NAXD: variants seen among roughly 807,000 people sequenced by gnomAD.
The protein encoded by NAXD is NAD(P)HX dehydratase, also known as ATP-dependent (S)-NAD(P)H-hydrate dehydratase.
NAXD carries 22 observed loss-of-function variants against 35.8 expected under a neutral mutation model. The observed-to-expected ratio is 0.62, with a 90% CI of 0.44 to 0.88. The LOEUF is 0.88. Among genes scored for constraint, NAXD ranks in the 40% least tolerant of loss-of-function variants. The pLI is 0.00. For synonymous variants in NAXD, 189 were observed against 177.6 expected (o/e 1.06, Z -0.51); for missense variants, 428 against 437.7 (o/e 0.98, Z 0.20).
chr13:110,637,823 A>G (rs575235140), intron 9 of NAXD: 12 of 466,822 alleles, frequency 2.6e-5, no homozygotes, highest in African/African-American at 1.6e-4. Flanking sequence ...CAGGGCTGTC[A>G]TCCAGTGGCC....
Position 110,638,574 on chromosome 13 carries a change from CGT to C in NAXD, c.*54_*55del, listed in dbSNP as rs757949523. The C allele has an allele frequency of 2.5e-6, 4 of 1,605,602 alleles. No individual in the cohort carries two copies. Among genetic ancestry groups the C allele is most frequent in the East Asian group, 4.5e-5 (2 of 44,858 alleles). On this transcript the variant is annotated 3_prime_UTR_variant, in exon 10 of 10. Transcript: ENST00000680254. The surrounding 1 kb of genome is among the most constrained non-coding windows in gnomAD (Gnocchi z 5.4). ...AACAGGCACCTTGGACGGGGGAGAG[CGT>C]GTGTGTGATGGGAAAATCCGGACCC...
At chr13:110,625,351 C>T in intron 4 of NAXD, 73 bp downstream of exon 4, 6 of 960,672 alleles carry the variant, frequency 6.2e-6, no homozygotes, top group Non-Finnish European at 1.0e-5. Flanking sequence ...GGCACTGACA[C>T]CGAAAGCGTC....
intron 5 of NAXD, among the ~76,000 whole-genome samples, chr13:110,634,225 C>T (rs566787966): frequency 5.3e-5 from 8 of 152,268 alleles, no homozygotes; most frequent in Admixed American, 2.0e-4. Flanking sequence ...GTGTCTTAGT[C>T]GGTTTTGCGC....
intron 1 of NAXD, among the ~76,000 whole-genome samples, chr13:110,616,749 A>G (rs1281407334): frequency 6.6e-6 from 1 of 152,230 alleles, no homozygotes; most frequent in African/African-American, 2.4e-5. Context: ...ACCTTGGTAT[A>G]GAAGATAAAT....
At chr13:110,627,778 G>GGT (rs1385048548) in intron 5 of NAXD, among the ~76,000 whole-genome samples, 1 of 152,178 alleles carries the variant, frequency 6.6e-6, no homozygotes, top group Non-Finnish European at 1.5e-5. Context: ...AGCTGCAGGA[G>GGT]GTGTGTGTGT....
chr13:110,634,239 T>C (rs1461957717), intron 5 of NAXD, among the ~76,000 whole-genome samples: 2 of 152,250 alleles, frequency 1.3e-5, no homozygotes, highest in Non-Finnish European at 2.9e-5. Flanking sequence ...TTTGCGCTGC[T>C]GTAGCCGTAC....
At chr13:110,627,573 C>A in intron 5 of NAXD, 26 bp downstream of exon 5, 2 of 1,500,596 alleles carry the variant, frequency 1.3e-6, no homozygotes, top group Non-Finnish European at 1.9e-6. Flanking sequence ...ACTCACTTCC[C>A]TCATGACAGG....
rs1887067430 is a variant in NAXD, at chr13:110,639,125, T to C, written c.*597T>C. 1 of 195,280 alleles carries C rather than the reference T, an allele frequency of 5.1e-6. No individual in the cohort carries two copies. Among genetic ancestry groups the C allele is most frequent in the African/African-American group, 2.3e-5 (1 of 42,816 alleles). The allele number at this position is 195,280 out of a possible 1,614,324, so 12.1% of individuals were successfully genotyped here. Reference sequence around the variant, plus strand: ...ACTCCAGGGTAATCAATGATGACTTTGTTTGGAAACCCTTTTGGAGGCACC... The same window carrying C: ...ACTCCAGGGTAATCAATGATGACTTCGTTTGGAAACCCTTTTGGAGGCACC... On this transcript the variant is annotated 3_prime_UTR_variant, in exon 10 of 10. Coordinates refer to ENST00000680254, the MANE Select transcript of NAXD (RefSeq NM_001242882.2).
chr13:110,625,635 A>C (rs1886444195), intron 4 of NAXD, among the ~76,000 whole-genome samples: 1 of 152,222 alleles, frequency 6.6e-6, no homozygotes, highest in African/African-American at 2.4e-5. Flanking sequence ...GTCTGGTGCC[A>C]GGCCCTAGCC....
chr13:110,638,571 G>A lies in NAXD; in HGVS notation c.*43G>A. 1 of 1,607,548 alleles carries A rather than the reference G, an allele frequency of 6.2e-7. No homozygotes were observed. Among genetic ancestry groups the A allele is most frequent in the Non-Finnish European group, 8.5e-7 (1 of 1,176,808 alleles). On this transcript the variant is annotated 3_prime_UTR_variant, in exon 10 of 10. Transcript: ENST00000680254. This position sits in a 1 kb window ranked among gnomAD's most constrained non-coding sequence, Gnocchi z 5.4. ...GTAAACAGGCACCTTGGACGGGGGA[G>A]AGCGTGTGTGTGATGGGAAAATCCG... is the stretch of plus-strand genomic sequence containing the variant.
In NAXD at chr13:110,628,284, G is replaced by C. The variant is rs542677289; in HGVS notation, c.441+737G>C. Among the ~76,000 whole-genome samples, 2 of 152,254 alleles carry C rather than the reference G, an allele frequency of 1.3e-5. No homozygotes were observed. Among genetic ancestry groups the C allele is most frequent in the South Asian group, 4.1e-4 (2 of 4,820 alleles). ...CTCTGAGACCCTTTCTCAAGTTCCG[G>C]GGGACCCCTGTTAGAGCTCCTGGGG... On this transcript the variant is annotated intron_variant, in intron 5 of 9. Coordinates refer to ENST00000680254, the MANE Select transcript of NAXD (RefSeq NM_001242882.2). The surrounding 1 kb of genome is among the most constrained non-coding windows in gnomAD (Gnocchi z 4.1).
At position 110,638,215 on chromosome 13, in the gene NAXD, G is replaced by T. The variant is rs750685217; in HGVS notation, c.840-163G>T. On this transcript the variant is annotated intron_variant, in intron 9 of 9. Coordinates refer to ENST00000680254, the MANE Select transcript of NAXD (RefSeq NM_001242882.2). The surrounding 1 kb of genome is among the most constrained non-coding windows in gnomAD (Gnocchi z 5.4). ...TAGTGGAGGGTTAATGGTGGTTTTCGCTGTGATAAACCTGCTTTCTCCTCA... is the reference window on the plus strand; with the variant it reads ...TAGTGGAGGGTTAATGGTGGTTTTCTCTGTGATAAACCTGCTTTCTCCTCA... 1.3e-6 allele frequency: 2 copies of T among 1,531,478 alleles called. No individual in the cohort carries two copies. The highest frequency in any genetic ancestry group is 2.8e-5 in the African/African-American group (2 of 72,146). 94.9% of individuals were successfully genotyped at this position (1,531,478 alleles called of 1,614,324 possible). A position where few individuals can be genotyped will look rare whatever the true frequency, so the allele number is the denominator to read the frequency against.
chr13:110,616,843 T>C (rs976022467), intron 1 of NAXD, among the ~76,000 whole-genome samples: 1 of 152,164 alleles, frequency 6.6e-6, no homozygotes, highest in Non-Finnish European at 1.5e-5. Context: ...GTTGCTGTAG[T>C]CATTAGATAG....
intron 1 of NAXD, among the ~76,000 whole-genome samples, chr13:110,620,449 A>G (rs375910389): frequency 6.6e-6 from 1 of 151,468 alleles, no homozygotes; most frequent in Non-Finnish European, 1.5e-5. Flanking sequence ...GCGTGGTGGC[A>G]TGCGCCTGTA....
chr13:110,631,497 C>T (rs1006546716), intron 5 of NAXD, among the ~76,000 whole-genome samples: 25 of 152,192 alleles, frequency 1.6e-4, no homozygotes, highest in Admixed American at 5.9e-4. Flanking sequence ...CACCCTTCTG[C>T]GCTGGGTGCT....
chr13:110,638,558 C>T lies in NAXD; in HGVS notation c.*30C>T. 6.2e-7 allele frequency: 1 copy of T among 1,610,274 alleles called. No homozygotes were observed. Among genetic ancestry groups the T allele is most frequent in the Non-Finnish European group, 8.5e-7 (1 of 1,178,286 alleles). The stretch of plus-strand genomic sequence containing the variant: ...GCGCAGACCAGAAGTAAACAGGCAC[C>T]TTGGACGGGGGAGAGCGTGTGTGTG... On this transcript the variant is annotated 3_prime_UTR_variant, in exon 10 of 10. Transcript: ENST00000680254. This position sits in a 1 kb window ranked among gnomAD's most constrained non-coding sequence, Gnocchi z 5.4.
intron 7 of NAXD, among the ~76,000 whole-genome samples, chr13:110,635,073 C>G (rs1292825889): frequency 2.0e-5 from 3 of 152,172 alleles, no homozygotes; most frequent in Admixed American, 6.5e-5. Flanking sequence ...ATGATGGCAT[C>G]AGCTTCACGG....
intron 1 of NAXD, among the ~76,000 whole-genome samples, chr13:110,616,889 A>C (rs955864340): frequency 1.3e-5 from 2 of 152,158 alleles, no homozygotes; most frequent in Non-Finnish European, 2.9e-5. Flanking sequence ...ATCGTCAGAG[A>C]GTTTGGCTTT....
At chr13:110,637,716 C>G (rs1886986462) in intron 9 of NAXD, 1 of 459,834 alleles carries the variant, frequency 2.2e-6, no homozygotes, top group African/African-American at 2.0e-5. Context: ...GCAAGCAGTT[C>G]CCATACCTCT....
Sources: gnomAD v4.1 joint callset for allele counts (sites outside exome capture counted in the v4.1 genomes callset) on GRCh38, gnomAD v4.1.1 for gene constraint, Gnocchi (gnomAD v3.1) non-coding constraint, MANE v1.5 for transcripts, NCBI Gene and HGNC (gene_info 2026-07-23, HGNC 2026-07-21) for gene names.